PSPC1: variants seen among roughly 807,000 people sequenced by gnomAD.
PSPC1 encodes paraspeckle component 1.
PSPC1 carries 14 observed loss-of-function variants against 51.6 expected under a neutral mutation model. The ratio of observed to expected loss-of-function variants is 0.27; its 90% CI spans 0.18 to 0.42. PSPC1 has a LOEUF of 0.42. Among genes scored for constraint, PSPC1 ranks in the 10% least tolerant of loss-of-function variants. PSPC1 has a pLI of 1.00. For missense variants in PSPC1, 406 were observed against 701.1 expected, an observed-to-expected ratio of 0.58 and a Z score of 4.75; for synonymous variants, 193 against 231.9, an observed-to-expected ratio of 0.83 and a Z score of 1.53.
In PSPC1 at chr13:19,772,235, AACTT is replaced by A. The variant is rs1393588266; in HGVS notation, c.674+3_674+6del. 6.2e-7 allele frequency: 1 copy of A among 1,609,246 alleles called. No individual in the cohort carries two copies. The highest frequency in any genetic ancestry group is 1.3e-5 in the African/African-American group (1 of 74,744). On this transcript the variant is annotated splice_donor_5th_base_variant and intron_variant, in intron 2 of 8. Transcript: ENST00000338910. Reference sequence around the variant, plus strand: ...GATAGAAGAAGGACAAGATATTTAAAACTTACGTTGTTAGCAAGAATGCCCCATC... The same window carrying A: ...GATAGAAGAAGGACAAGATATTTAAAACGTTGTTAGCAAGAATGCCCCATC...
chr13:19,701,534 G>A (rs1879904714), downstream of PSPC1, among the ~76,000 whole-genome samples: 1 of 152,034 alleles, frequency 6.6e-6, no homozygotes, highest in Non-Finnish European at 1.5e-5. Context: ...AAAAGCCTAT[G>A]AATACCACAA....
chr13:19,692,540 T>C (rs1171498232), intron 6 of PSPC1, among the ~76,000 whole-genome samples: 1 of 152,152 alleles, frequency 6.6e-6, no homozygotes, highest in African/African-American at 2.4e-5. Flanking sequence ...TGTGAGATAA[T>C]ATATTTACCA....
intron 1 of PSPC1, among the ~76,000 whole-genome samples, chr13:19,777,176 T>C (rs1295672712): frequency 7.3e-6 from 1 of 136,788 alleles, no homozygotes; most frequent in Non-Finnish European, 1.5e-5. Context: ...ACACCTGTAA[T>C]CCCAGCACTT....
chr13:19,751,142 C>T (rs567244523), intron 4 of PSPC1, 129 bp downstream of exon 4: 42 of 629,036 alleles, frequency 6.7e-5, no homozygotes, highest in African/African-American at 5.6e-4. Context: ...GATTTTCACA[C>T]CTAATATGTT....
intron 8 of PSPC1, among the ~76,000 whole-genome samples, chr13:19,704,194 A>G (rs1189238201): frequency 6.6e-6 from 1 of 152,278 alleles, no homozygotes; most frequent in Non-Finnish European, 1.5e-5. Context: ...AACTTAACCA[A>G]AGTAGTATAA....
intron 7 of PSPC1, among the ~76,000 whole-genome samples, chr13:19,709,117 C>T (rs2137767735): frequency 6.8e-6 from 1 of 146,080 alleles, no homozygotes; most frequent in South Asian, 2.1e-4. Context: ...CAAGTTTGTG[C>T]CACTGTACTC....
At chr13:19,738,256 C>CA (rs1885057656) in intron 5 of PSPC1, among the ~76,000 whole-genome samples, 1 of 152,128 alleles carries the variant, frequency 6.6e-6, no homozygotes, top group African/African-American at 2.4e-5. Flanking sequence ...TTTAGCCGTT[C>CA]ATCTTTCTCT....
intron 6 of PSPC1, among the ~76,000 whole-genome samples, chr13:19,718,089 T>C (rs1345777890): frequency 1.3e-5 from 2 of 152,136 alleles, no homozygotes; most frequent in African/African-American, 4.8e-5. Flanking sequence ...AAAATATACG[T>C]TTCTATTGAT....
intron 4 of PSPC1, among the ~76,000 whole-genome samples, chr13:19,746,744 A>T (rs1886031831): frequency 6.6e-6 from 1 of 152,152 alleles, no homozygotes; most frequent in Admixed American, 6.6e-5. Flanking sequence ...GAATCTAGAA[A>T]GGACTAAATA....
chr13:19,760,730 T>C (rs551862830), intron 2 of PSPC1, among the ~76,000 whole-genome samples: 38 of 152,064 alleles, frequency 2.5e-4, no homozygotes, highest in Non-Finnish European at 4.7e-4. Flanking sequence ...GGCTCACGCC[T>C]GTAATCCCAG....
chr13:19,779,688 G>A (rs1889673235), intron 1 of PSPC1, among the ~76,000 whole-genome samples: 2 of 107,980 alleles, frequency 1.9e-5, no homozygotes, highest in African/African-American at 7.3e-5. Context: ...GAGGTGGGGG[G>A]GTCAGCCCCC....
intron 6 of PSPC1, among the ~76,000 whole-genome samples, chr13:19,694,630 G>A (rs76187860): frequency 0.01 from 1,550 of 152,176 alleles, 28 homozygotes; most frequent in African/African-American, 0.036. Context: ...TAATCAAGTC[G>A]TTCCAAGTAT....
chr13:19,777,119 A>T (rs940300970), intron 1 of PSPC1, among the ~76,000 whole-genome samples: 12 of 13,844 alleles, frequency 8.7e-4, no homozygotes, highest in African/African-American at 1.4e-3. Context: ...GGCTCCATCT[A>T]AAAAAAAAAA....
chr13:19,694,782 GCTTA>G (rs1331738330), intron 6 of PSPC1, among the ~76,000 whole-genome samples: 4 of 152,136 alleles, frequency 2.6e-5, no homozygotes, highest in East Asian at 1.9e-4. Context: ...AACTGTGGCC[GCTTA>G]CTTCAGCACA....
chr13:19,749,315 T>C (rs150289246), intron 4 of PSPC1, among the ~76,000 whole-genome samples: 71 of 152,070 alleles, frequency 4.7e-4, no homozygotes, highest in African/African-American at 1.6e-3. Flanking sequence ...ACCAATGCAC[T>C]CCAGCCTGGG....
At chr13:19,746,829 G>A (rs1250588713) in intron 4 of PSPC1, among the ~76,000 whole-genome samples, 2 of 152,100 alleles carry the variant, frequency 1.3e-5, no homozygotes, top group African/African-American at 4.8e-5. Context: ...AACATTTACG[G>A]CTGGGTGTGG....
At chr13:19,699,688 A>C (rs1395437337), downstream of PSPC1, among the ~76,000 whole-genome samples, 1 of 83,692 alleles carries the variant, frequency 1.2e-5, no homozygotes, top group Admixed American at 1.4e-4. Flanking sequence ...AGTAACATCA[A>C]GCCTGCTACT....
chr13:19,736,407 C>T (rs530750248), intron 5 of PSPC1, among the ~76,000 whole-genome samples: 2 of 152,046 alleles, frequency 1.3e-5, no homozygotes, highest in Non-Finnish European at 2.9e-5. Flanking sequence ...CTTCAGGCCA[C>T]GCACAGTGGC....
intron 4 of PSPC1, among the ~76,000 whole-genome samples, chr13:19,746,696 A>G (rs1320207962): frequency 8.5e-5 from 13 of 152,078 alleles, no homozygotes; most frequent in African/African-American, 2.7e-4. Context: ...GTGAGACTCC[A>G]TCTCAAAAAA....
Sources: gnomAD v4.1 joint callset for allele counts (sites outside exome capture counted in the v4.1 genomes callset) on GRCh38, gnomAD v4.1.1 for gene constraint, MANE v1.5 for transcripts, NCBI Gene and HGNC (gene_info 2026-07-23, HGNC 2026-07-21) for gene names.